The following CHST9 variants were observed in gnomAD, a reference collection of about 807,000 sequenced individuals.
CHST9 encodes the protein carbohydrate sulfotransferase 9.
In CHST9, 41 loss-of-function variants were observed where a neutral mutation model predicts 44.4. That is an observed-to-expected ratio of 0.92 (90% CI 0.72 to 1.20). The LOEUF (loss-of-function observed/expected upper bound fraction) is 1.20, where lower values mean the gene tolerates loss of function less well. Ranked by LOEUF, CHST9 falls within the 50% of genes most tolerant of loss-of-function variation. CHST9 has a pLI of 0.00. For synonymous variants in CHST9, 171 were observed against 178.4 expected, an observed-to-expected ratio of 0.96 and a Z score of 0.33; for missense variants, 504 against 516.5, an observed-to-expected ratio of 0.98 and a Z score of 0.23.
At chr18:27,042,891 C>T (rs181459904) in intron 3 of CHST9, among the ~76,000 whole-genome samples, 1 of 151,962 alleles carries the variant, frequency 6.6e-6, no homozygotes, top group African/African-American at 2.4e-5. Context: ...TATATTTGCT[C>T]CCCAACCCCT....
At position 26,913,400 on chromosome 18, in the gene CHST9, C is replaced by T. The variant is rs935268205; in HGVS notation, c.*2859G>A. ...AAATCCGAAAACTGGATGTCCTGTA[C>T]ATACATTTCCATTGAAGTTTATGGC... On this transcript the variant is annotated 3_prime_UTR_variant, in exon 6 of 6. Transcript: ENST00000618847. 1.3e-5 allele frequency: 2 copies of T among 152,176 alleles called. No individual in the cohort carries two copies. Among genetic ancestry groups the T allele is most frequent in the Non-Finnish European group, 2.9e-5 (2 of 68,038 alleles). The allele number at this position is 152,176 out of a possible 1,614,324, so 9.4% of individuals were successfully genotyped here.
chr18:26,980,470 C>G (rs1175608599), intron 4 of CHST9, among the ~76,000 whole-genome samples: 6 of 152,124 alleles, frequency 3.9e-5, no homozygotes, highest in Non-Finnish European at 8.8e-5. Flanking sequence ...TTATTCTTTA[C>G]TCTGGAAACT....
chr18:27,120,450 A>G (rs2058365214), intron 2 of CHST9, among the ~76,000 whole-genome samples: 1 of 152,118 alleles, frequency 6.6e-6, no homozygotes, highest in African/African-American at 2.4e-5. Flanking sequence ...TCTTGTTCTT[A>G]AGGTTGGTGG....
intron 2 of CHST9, among the ~76,000 whole-genome samples, chr18:27,114,634 A>T (rs1356307840): frequency 6.6e-6 from 1 of 152,336 alleles, no homozygotes; most frequent in Admixed American, 6.5e-5. Context: ...AGCCTGTGGC[A>T]ACCACTAATC....
rs749242498 is a variant in CHST9 at position 26,916,353 on chromosome 18, T to C, written c.1238A>G (p.Tyr413Cys). Residue 413 changes from tyrosine to cysteine, a missense_variant, in exon 6 of 6, where the codon TAT (tyrosine) becomes TGT (cysteine). Transcript: ENST00000618847. The stretch of plus-strand genomic sequence containing the variant: ...CTCAGTTCTAGTCAGATCCTTTAAA[T>C]ACTGTCTCACGACTTGAGCATTGGT... ...ERTNAQVVRQYLKDLTRTERQ... is the reference protein window; with the variant it reads ...ERTNAQVVRQCLKDLTRTERQ... The C allele has an allele frequency of 6.2e-7, 1 of 1,613,632 alleles. No homozygotes were observed. Among genetic ancestry groups the C allele is most frequent in the Non-Finnish European group, 8.5e-7 (1 of 1,179,598 alleles).
intron 5 of CHST9, among the ~76,000 whole-genome samples, chr18:26,919,718 T>C (rs1282775160): frequency 6.6e-6 from 1 of 152,048 alleles, no homozygotes; most frequent in African/African-American, 2.4e-5. Flanking sequence ...AAAATCCACC[T>C]TCCCCTGTGG....
chr18:27,015,323 T>TTGTGTGTGTGTGTGTGTGTG (rs10690815), intron 4 of CHST9, among the ~76,000 whole-genome samples: 2 of 146,344 alleles, frequency 1.4e-5, no homozygotes, highest in African/African-American at 5.1e-5. Context: ...AGAGAGGCAG[T>TTGTGTGTGTGTGTGTGTGTG]TGTGTGTGTG....
chr18:27,140,159 C>T (rs1272029215), intron 2 of CHST9, among the ~76,000 whole-genome samples: 1 of 152,166 alleles, frequency 6.6e-6, no homozygotes, highest in Non-Finnish European at 1.5e-5. Flanking sequence ...GGAAGTGATA[C>T]ATTGAGCAGA....
rs116301613 is a variant in CHST9 at position 27,019,330 on chromosome 18, G to A, written c.202+4786C>T. Among the ~76,000 whole-genome samples the A allele has an allele frequency of 5.7e-3, 871 of 152,296 alleles. 4 individuals carry two copies. The highest frequency in any genetic ancestry group is 0.019 in the African/African-American group (791 of 41,546). On this transcript the variant is annotated intron_variant, in intron 4 of 5. Transcript: ENST00000618847. ...AAAAGCAGCCCTCTACTCCGAGAGA[G>A]AGTATGCTATCAATATGTAAAAAGG...
intron 2 of CHST9, among the ~76,000 whole-genome samples, chr18:27,113,841 G>A (rs962268938): frequency 4.6e-5 from 7 of 152,068 alleles, no homozygotes; most frequent in Non-Finnish European, 8.8e-5. Context: ...CCAACTTGAG[G>A]TACTTAAATT....
intron 2 of CHST9, among the ~76,000 whole-genome samples, chr18:27,113,190 GAAA>G (rs34392939): frequency 9.0e-5 from 12 of 133,694 alleles, no homozygotes; most frequent in African/African-American, 1.4e-4. Context: ...CTCCATCTCA[GAAA>G]AAAAAAAAAA....
At chr18:27,013,720 C>A (rs575204208) in intron 4 of CHST9, among the ~76,000 whole-genome samples, 8 of 152,274 alleles carry the variant, frequency 5.3e-5, no homozygotes, top group African/African-American at 1.9e-4. Flanking sequence ...TTATTATACA[C>A]ATTTTGTTAT....
At chr18:26,977,114 C>T (rs1458636773) in intron 4 of CHST9, among the ~76,000 whole-genome samples, 1 of 151,844 alleles carries the variant, frequency 6.6e-6, no homozygotes, top group Non-Finnish European at 1.5e-5. Flanking sequence ...CTACTCTTTT[C>T]TATGGTCTTA....
intron 5 of CHST9, among the ~76,000 whole-genome samples, chr18:26,941,653 C>T (rs2056084151): frequency 6.6e-6 from 1 of 152,012 alleles, no homozygotes; most frequent in Non-Finnish European, 1.5e-5. Flanking sequence ...AAAAATGGGT[C>T]ATGCATTCAT....
rs777176667 is a variant in CHST9 at position 27,059,461 on chromosome 18, T to TTAA, written c.122-10961_122-10959dup. Reference sequence around the variant, plus strand: ...TGGAATCTATATTGAATTAAGAGTTTTAATATTATTTAGAGTTAATTTTCT... The same window carrying TTAA: ...TGGAATCTATATTGAATTAAGAGTTTTAATAATATTATTTAGAGTTAATTTTCT... On this transcript the variant is annotated intron_variant, in intron 2 of 5. Coordinates refer to ENST00000618847, the MANE Select transcript of CHST9 (RefSeq NM_031422.6). Among the ~76,000 whole-genome samples the TTAA allele has an allele frequency of 4.3e-4, 66 of 152,340 alleles. 1 individual carries two copies. Among genetic ancestry groups the TTAA allele is most frequent in the Admixed American group, 2.2e-3 (33 of 15,300 alleles).
chr18:27,148,109 T>TG (rs1286337158), intron 1 of CHST9, among the ~76,000 whole-genome samples: 3 of 152,252 alleles, frequency 2.0e-5, no homozygotes, highest in African/African-American at 7.2e-5. Context: ...ACTGAGAACA[T>TG]GCAGTATTTG....
At chr18:27,129,568 T>C (rs1052974270) in intron 2 of CHST9, among the ~76,000 whole-genome samples, 2 of 152,020 alleles carry the variant, frequency 1.3e-5, no homozygotes, top group African/African-American at 4.8e-5. Flanking sequence ...AATGTTTGTA[T>C]TTTTAGTAGA....
At chr18:27,039,086 G>C (rs1336625302) in intron 3 of CHST9, among the ~76,000 whole-genome samples, 1 of 152,134 alleles carries the variant, frequency 6.6e-6, no homozygotes, top group Non-Finnish European at 1.5e-5. Context: ...GAAATCTGGA[G>C]AGTCTTACAA....
At chr18:26,984,090 G>C (rs1354832943) in intron 4 of CHST9, among the ~76,000 whole-genome samples, 1 of 152,174 alleles carries the variant, frequency 6.6e-6, no homozygotes, top group East Asian at 1.9e-4. Flanking sequence ...CAAGTTTGGA[G>C]TCAAGACCTA....
Sources: allele counts gnomAD v4.1 joint callset (sites outside exome capture counted in the v4.1 genomes callset), GRCh38; gene constraint gnomAD v4.1.1; transcripts MANE v1.5; gene names NCBI Gene and HGNC (gene_info 2026-07-23, HGNC 2026-07-21).